The following SLC25A21 variants were observed in gnomAD, a reference collection of about 807,000 sequenced individuals.
SLC25A21 encodes the protein solute carrier family 25 member 21.
In SLC25A21, 47 loss-of-function variants were observed where a neutral mutation model predicts 43.8. The ratio of observed to expected loss-of-function variants is 1.07; its 90% CI spans 0.85 to 1.37. The LOEUF (loss-of-function observed/expected upper bound fraction) is 1.37, where lower values mean the gene tolerates loss of function less well. Ranked by LOEUF, SLC25A21 falls within the 40% of genes most tolerant of loss-of-function variation. SLC25A21 has a pLI of 0.00. For synonymous variants in SLC25A21, 131 were observed against 121.3 expected, an observed-to-expected ratio of 1.08 and a Z score of -0.52; for missense variants, 352 against 350.2, an observed-to-expected ratio of 1.00 and a Z score of -0.04.
intron 1 of SLC25A21, among the ~76,000 whole-genome samples, chr14:37,141,175 A>G (rs776051789): frequency 1.3e-5 from 2 of 152,174 alleles, no homozygotes; most frequent in Admixed American, 6.6e-5. Context: ...TAGGAACTTA[A>G]TAATTAACAC....
At chr14:36,739,692 A>G (rs959890609) in intron 3 of SLC25A21, among the ~76,000 whole-genome samples, 1 of 151,692 alleles carries the variant, frequency 6.6e-6, no homozygotes, top group African/African-American at 2.4e-5. Flanking sequence ...AAAGAAAAAA[A>G]AAAAAAAGAG....
chr14:37,043,131 C>T (rs1158130222), intron 1 of SLC25A21, among the ~76,000 whole-genome samples: 1 of 152,200 alleles, frequency 6.6e-6, no homozygotes, highest in Non-Finnish European at 1.5e-5. Context: ...GTTGTTTCCA[C>T]CTTCTTAATG....
At chr14:36,878,675 A>C (rs997059734) in intron 1 of SLC25A21, among the ~76,000 whole-genome samples, 3 of 152,228 alleles carry the variant, frequency 2.0e-5, no homozygotes, top group Non-Finnish European at 4.4e-5. Flanking sequence ...TAGTGAGCAC[A>C]AATTTTAATA....
At chr14:37,018,490 AAGC>A (rs1328960892) in intron 1 of SLC25A21, among the ~76,000 whole-genome samples, 1 of 152,010 alleles carries the variant, frequency 6.6e-6, no homozygotes, top group Non-Finnish European at 1.5e-5. Context: ...TACCTCAATA[AAGC>A]TAGTGTTGGG....
intron 4 of SLC25A21, 28 bp downstream of exon 4, chr14:36,734,479 G>A (rs764702904): frequency 3.8e-6 from 6 of 1,576,976 alleles, no homozygotes; most frequent in Non-Finnish European, 5.2e-6. Flanking sequence ...CCCTACTTTT[G>A]CTTGGTGCGA....
At chr14:37,060,346 T>C (rs534877296) in intron 1 of SLC25A21, among the ~76,000 whole-genome samples, 1 of 149,904 alleles carries the variant, frequency 6.7e-6, no homozygotes, top group Non-Finnish European at 1.5e-5. Flanking sequence ...TATTTTATTA[T>C]AGCAGAATGA....
At chr14:36,955,678 T>A (rs1392871242) in intron 1 of SLC25A21, among the ~76,000 whole-genome samples, 3 of 152,218 alleles carry the variant, frequency 2.0e-5, no homozygotes, top group Non-Finnish European at 4.4e-5. Flanking sequence ...ATTTTTCACA[T>A]CTACACATCA....
At chr14:36,754,591 G>A (rs1349602809) in intron 3 of SLC25A21, among the ~76,000 whole-genome samples, 1 of 152,092 alleles carries the variant, frequency 6.6e-6, no homozygotes, top group African/African-American at 2.4e-5. Flanking sequence ...GATATGGGAC[G>A]GAAGCCCAGA....
At position 36,678,700 on chromosome 14, in the gene SLC25A21, T is replaced by C. The variant is rs1350700127; in HGVS notation, c.*1958A>G. 3 of 1,237,448 alleles carry C rather than the reference T, an allele frequency of 2.4e-6. No individual in the cohort carries two copies. Among genetic ancestry groups the C allele is most frequent in the Non-Finnish European group, 3.0e-6 (3 of 987,992 alleles). The allele number at this position is 1,237,448 out of a possible 1,614,324, so 76.7% of individuals were successfully genotyped here. On this transcript the variant is annotated 3_prime_UTR_variant, in exon 10 of 10. Coordinates refer to ENST00000331299, the MANE Select transcript of SLC25A21 (RefSeq NM_030631.4). ...TGTGGAAATGCAAATAATGTTATTT[T>C]CTTTATCTAAATTAAGAAATCTCTT...
chr14:36,925,139 A>C (rs559031621), intron 1 of SLC25A21, among the ~76,000 whole-genome samples: 3 of 152,142 alleles, frequency 2.0e-5, no homozygotes, highest in Non-Finnish European at 4.4e-5. Flanking sequence ...GTAAAAAATA[A>C]TTCAAAAGAA....
Position 36,892,654 on chromosome 14 carries a change from C to T in SLC25A21, c.71-17650G>A, listed in dbSNP as rs545307908. Among the ~76,000 whole-genome samples the T allele has an allele frequency of 1.4e-3, 214 of 151,908 alleles. 1 individual carries two copies. Among genetic ancestry groups the T allele is most frequent in the Non-Finnish European group, 2.6e-3 (177 of 67,992 alleles). ...TGTTGGTGTGCTGCACCCATTAACT[C>T]GTCATTTAACATTAGGTATATCTCC... On this transcript the variant is annotated intron_variant, in intron 1 of 9. Transcript: ENST00000331299.
chr14:36,762,696 G>A (rs1401559003), intron 3 of SLC25A21, among the ~76,000 whole-genome samples: 3 of 152,188 alleles, frequency 2.0e-5, no homozygotes, highest in Admixed American at 6.5e-5. Flanking sequence ...TTGGGGACAT[G>A]AATCTCTCTA....
chr14:36,878,439 CAGAGTTA>C (rs1817113241), intron 1 of SLC25A21, among the ~76,000 whole-genome samples: 3 of 152,150 alleles, frequency 2.0e-5, no homozygotes, highest in Admixed American at 2.0e-4. Flanking sequence ...AATCAGAGTT[CAGAGTTA>C]AATCTGGATT....
At chr14:36,694,217 C>A (rs188766977) in intron 7 of SLC25A21, among the ~76,000 whole-genome samples, 355 of 152,266 alleles carry the variant, frequency 2.3e-3, no homozygotes, top group African/African-American at 8.0e-3. Context: ...CCAGCTTCAA[C>A]CACGTCCCTG....
At chr14:37,034,514 C>T (rs535374994) in intron 1 of SLC25A21, among the ~76,000 whole-genome samples, 23 of 152,256 alleles carry the variant, frequency 1.5e-4, no homozygotes, top group African/African-American at 5.3e-4. Flanking sequence ...TTCCCACTCC[C>T]ACTCCAAAGG....
At chr14:36,758,724 T>C (rs1886028853) in intron 3 of SLC25A21, among the ~76,000 whole-genome samples, 1 of 152,020 alleles carries the variant, frequency 6.6e-6, no homozygotes, top group African/African-American at 2.4e-5. Context: ...TGATCTTAGA[T>C]ACCCCAAAGA....
At position 36,737,763 on chromosome 14, in the gene SLC25A21, A is replaced by G. The variant is rs551286066; in HGVS notation, c.204-3190T>C. Among the ~76,000 whole-genome samples, 535 of 152,312 alleles carry G rather than the reference A, an allele frequency of 3.5e-3. 1 individual carries two copies. The highest frequency in any genetic ancestry group is 0.012 in the African/African-American group (499 of 41,578). ...TAAAACTAGGATTTCATTGGCAGCC[A>G]TGCTTTTAGTCATTTGGAGAAAGTC... is the stretch of plus-strand genomic sequence containing the variant. On this transcript the variant is annotated intron_variant, in intron 3 of 9. Transcript: ENST00000331299.
intron 1 of SLC25A21, among the ~76,000 whole-genome samples, chr14:37,048,201 C>T (rs370835825): frequency 1.3e-5 from 2 of 152,026 alleles, no homozygotes; most frequent in African/African-American, 4.8e-5. Flanking sequence ...CCAAGAAAAA[C>T]GTTGAGAAAA....
intron 3 of SLC25A21, among the ~76,000 whole-genome samples, chr14:36,751,082 C>T (rs973907374): frequency 3.9e-5 from 6 of 152,184 alleles, no homozygotes; most frequent in African/African-American, 1.2e-4. Flanking sequence ...TTAGGAACAA[C>T]ACTAAGATAT....
Sources: allele counts gnomAD v4.1 joint callset (sites outside exome capture counted in the v4.1 genomes callset), GRCh38; gene constraint gnomAD v4.1.1; transcripts MANE v1.5; gene names NCBI Gene and HGNC (gene_info 2026-07-23, HGNC 2026-07-21).